The following SPG11 variants were observed in gnomAD, a reference collection of about 807,000 sequenced individuals.
The protein encoded by SPG11 is SPG11 vesicle trafficking associated, spatacsin.
In SPG11, 222 loss-of-function variants were observed where a neutral mutation model predicts 274.0. The ratio of observed to expected loss-of-function variants is 0.81; its 90% CI spans 0.73 to 0.91. The LOEUF (loss-of-function observed/expected upper bound fraction) is 0.91, where lower values mean the gene tolerates loss of function less well. Among genes scored for constraint, SPG11 ranks in the 40% least tolerant of loss-of-function variants. SPG11 has a pLI of 0.00. For missense variants in SPG11, 3,114 were observed against 2,872.7 expected (o/e 1.08, Z -1.92); for synonymous variants, 1,144 against 1,039.7 (o/e 1.10, Z -1.93).
At chr15:44,588,262 G>A (rs2140955068) in intron 28 of SPG11, among the ~76,000 whole-genome samples, 1 of 151,474 alleles carries the variant, frequency 6.6e-6, no homozygotes, top group East Asian at 1.9e-4. Context: ...TCAGCAACAA[G>A]TTTAGAGACT....
chr15:44,566,089 C>A, intron 37 of SPG11, 80 bp from the exon 38 acceptor site: 1 of 1,597,358 alleles, frequency 6.3e-7, no homozygotes, highest in Non-Finnish European at 8.6e-7. Context: ...ACGGTATTCA[C>A]CCCTTCTGTT....
intron 11 of SPG11, among the ~76,000 whole-genome samples, chr15:44,625,710 GCT>G (rs2083879757): frequency 1.3e-5 from 2 of 152,062 alleles, no homozygotes; most frequent in African/African-American, 4.8e-5. Flanking sequence ...ATGGAGTCTT[GCT>G]CTGTTGCCCA....
At chr15:44,571,699 G>A (rs920915255) in intron 33 of SPG11, among the ~76,000 whole-genome samples, 8 of 151,628 alleles carry the variant, frequency 5.3e-5, no homozygotes, top group African/African-American at 1.7e-4. Flanking sequence ...GGGTTTCACC[G>A]TGTTAGCCAG....
At chr15:44,588,446 A>G (rs1243634810) in intron 28 of SPG11, 5 of 154,618 alleles carry the variant, frequency 3.2e-5, no homozygotes, top group Admixed American at 2.6e-4. Flanking sequence ...GAGTTAAGTC[A>G]GGGTGGTGGG....
chr15:44,597,014 G>T, intron 23 of SPG11, 71 bp from the exon 24 acceptor site: 1 of 1,461,094 alleles, frequency 6.8e-7, no homozygotes, highest in Non-Finnish European at 9.4e-7. Context: ...GCTTTAGCTT[G>T]AACTGGAAAA....
chr15:44,639,973 G>T (rs1470027940), intron 7 of SPG11, among the ~76,000 whole-genome samples: 1 of 152,162 alleles, frequency 6.6e-6, no homozygotes, highest in East Asian at 1.9e-4. Flanking sequence ...CACTTTGGGA[G>T]GCCGAGGCAG....
At chr15:44,592,235 C>G in intron 27 of SPG11, 96 bp downstream of exon 27, 3 of 763,044 alleles carry the variant, frequency 3.9e-6, no homozygotes, top group African/African-American at 1.7e-5. Flanking sequence ...CCTGAGTAAC[C>G]GAGTGAGACA....
chr15:44,649,437 T>A (rs1337256040), intron 6 of SPG11, among the ~76,000 whole-genome samples: 2 of 152,154 alleles, frequency 1.3e-5, no homozygotes, highest in Non-Finnish European at 2.9e-5. Context: ...TTCACTTTGT[T>A]TCCCAGGCTG....
rs1595889099 is a variant in SPG11, at chr15:44,620,416, A to G, written c.2621-13T>C. On this transcript the variant is annotated splice_polypyrimidine_tract_variant and intron_variant, in intron 14 of 39. Coordinates refer to ENST00000261866, the MANE Select transcript of SPG11 (RefSeq NM_025137.4). The stretch of plus-strand genomic sequence containing the variant: ...TATGATTTGTATTCTACATGAAAAA[A>G]AACACATTTTAAAATATAATTAATT... 1 of 1,578,990 alleles carries G rather than the reference A, an allele frequency of 6.3e-7. No homozygotes were observed. Among genetic ancestry groups the G allele is most frequent in the Non-Finnish European group, 8.7e-7 (1 of 1,151,302 alleles).
intron 17 of SPG11, among the ~76,000 whole-genome samples, chr15:44,612,930 C>T (rs967746989): frequency 1.3e-5 from 2 of 152,146 alleles, no homozygotes; most frequent in Non-Finnish European, 2.9e-5. Context: ...CAGCTAAGTC[C>T]TCAGGGGTAA....
chr15:44,598,571 A>G, intron 22 of SPG11, 60 bp downstream of exon 22: 1 of 1,508,252 alleles, frequency 6.6e-7, no homozygotes, highest in Non-Finnish European at 9.2e-7. Context: ...TCACAATTCA[A>G]TGCCTTAGAC....
At chr15:44,635,239 G>A (rs1038429993) in intron 7 of SPG11, among the ~76,000 whole-genome samples, 1 of 151,658 alleles carries the variant, frequency 6.6e-6, no homozygotes. Context: ...AAAAACAAAA[G>A]AGCATGTGGC....
At chr15:44,601,033 T>C (rs921914244) in intron 20 of SPG11, among the ~76,000 whole-genome samples, 27 of 152,198 alleles carry the variant, frequency 1.8e-4, no homozygotes, top group Admixed American at 1.1e-3. Flanking sequence ...ATGCCTGTAA[T>C]CCCAGCTACT....
At position 44,635,623 on chromosome 15, in the gene SPG11, A is replaced by G. The variant is rs537500395; in HGVS notation, c.1603-1986T>C. ...AAAAAAAAAAAAAAAAAAAAAAAGA[A>G]AAAAGGAAAAAAGCCGGGTATGGTG... On this transcript the variant is annotated intron_variant, in intron 7 of 39. Transcript: ENST00000261866. Among the ~76,000 whole-genome samples the G allele has an allele frequency of 2.0e-3, 299 of 151,070 alleles. 1 individual carries two copies. The highest frequency in any genetic ancestry group is 6.9e-3 in the African/African-American group (283 of 41,252).
chr15:44,620,223 T>C lies in SPG11; in HGVS notation c.2801A>G (p.Tyr934Cys), dbSNP rs777473151. 13 of 1,614,066 alleles carry C rather than the reference T, an allele frequency of 8.1e-6. No individual in the cohort carries two copies. The highest frequency in any genetic ancestry group is 1.3e-5 in the African/African-American group (1 of 75,046). ...VINQNTSCNNYMRNEILDKLA... is the reference protein window; with the variant it reads ...VINQNTSCNNCMRNEILDKLA... ...CTTATCTAAAATTTCATTCCTCATG[T>C]AGTTGTTACAGGAAGTATTCTGGTT... The change falls in exon 15 of 40, where the codon TAC becomes TGC. Residue 934 changes from tyrosine to cysteine, a missense_variant. By Grantham distance (194) the Tyr-to-Cys change is radical (BLOSUM62 -2). Coordinates refer to ENST00000261866, the MANE Select transcript of SPG11 (RefSeq NM_025137.4).
intron 7 of SPG11, among the ~76,000 whole-genome samples, chr15:44,633,877 T>C (rs1222385533): frequency 2.0e-5 from 3 of 152,126 alleles, no homozygotes; most frequent in African/African-American, 7.2e-5. Flanking sequence ...TTGCTCTTGT[T>C]GCCCAGGCTG....
rs200000184 is a variant in SPG11, at chr15:44,612,731, A to AT, written c.3145+698dup. Among the ~76,000 whole-genome samples, 968 of 148,718 alleles carry AT rather than the reference A, an allele frequency of 6.5e-3. 27 individuals are homozygous for AT. The East Asian group carries it at 0.09, about 14-fold the overall frequency. ...TCTTGATAGTTGTCTGTGGCTTCTA[A>AT]TTTTTTTTTTTAACAATGAACATAT... is the stretch of plus-strand genomic sequence containing the variant. On this transcript the variant is annotated intron_variant, in intron 17 of 39. Transcript: ENST00000261866.
chr15:44,617,432 T>C (rs1428826213), intron 15 of SPG11, among the ~76,000 whole-genome samples: 2 of 152,220 alleles, frequency 1.3e-5, no homozygotes, highest in African/African-American at 4.8e-5. Flanking sequence ...TAGATTTTTT[T>C]CCCCATATAG....
intron 3 of SPG11, among the ~76,000 whole-genome samples, chr15:44,658,770 T>G (rs2085014710): frequency 6.6e-6 from 1 of 152,240 alleles, no homozygotes; most frequent in South Asian, 2.1e-4. Flanking sequence ...CATAAGCACA[T>G]AGTAGATATT....
Sources: gnomAD v4.1 joint callset for allele counts (sites outside exome capture counted in the v4.1 genomes callset) on GRCh38, gnomAD v4.1.1 for gene constraint, MANE v1.5 for transcripts, NCBI Gene and HGNC (gene_info 2026-07-23, HGNC 2026-07-21) for gene names.